SSBP2: variants seen among roughly 807,000 people sequenced by gnomAD.
The protein encoded by SSBP2 is single stranded DNA binding protein 2, also known as single-stranded DNA-binding protein 2.
SSBP2 carries 17 observed loss-of-function variants against 61.8 expected under a neutral mutation model. The observed-to-expected ratio is 0.28, with a 90% CI of 0.19 to 0.41. The LOEUF (loss-of-function observed/expected upper bound fraction) is 0.41. Among genes scored for constraint, SSBP2 ranks in the 10% least tolerant of loss-of-function variants. The pLI, the probability that SSBP2 is intolerant of heterozygous loss-of-function variation, is 1.00. For missense variants in SSBP2, 310 were observed against 458.7 expected (o/e 0.68, Z 2.96); for synonymous variants, 139 against 141.3 (o/e 0.98, Z 0.12).
At chr5:81,575,377 A>G (rs73135609) in intron 4 of SSBP2, among the ~76,000 whole-genome samples, 2,167 of 152,336 alleles carry the variant, frequency 0.014, 52 homozygotes, top group African/African-American at 0.049. Flanking sequence ...ATACAGAACA[A>G]TAACATTTAA....
At chr5:81,421,442 C>T (rs186360226) in intron 16 of SSBP2, among the ~76,000 whole-genome samples, 143 of 152,272 alleles carry the variant, frequency 9.4e-4, no homozygotes, top group Non-Finnish European at 1.6e-3. Flanking sequence ...ATCTGCTCAC[C>T]TTGGCCTCCC....
At chr5:81,548,741 T>G (rs1445080975) in intron 4 of SSBP2, among the ~76,000 whole-genome samples, 1 of 152,044 alleles carries the variant, frequency 6.6e-6, no homozygotes, top group Non-Finnish European at 1.5e-5. Context: ...GCTAACACAG[T>G]GAAATCCCGT....
intron 4 of SSBP2, among the ~76,000 whole-genome samples, chr5:81,573,895 C>T (rs1158695189): frequency 6.6e-6 from 1 of 152,120 alleles, no homozygotes; most frequent in Non-Finnish European, 1.5e-5. Context: ...AATCCCAGCA[C>T]TTTGGGAGGC....
At chr5:81,719,276 C>T (rs1045640446) in intron 1 of SSBP2, among the ~76,000 whole-genome samples, 1 of 152,184 alleles carries the variant, frequency 6.6e-6, no homozygotes, top group South Asian at 2.1e-4. Flanking sequence ...GACTTATAGC[C>T]ACCACTGTTT....
In SSBP2 at chr5:81,431,524, G is replaced by A. The variant is rs570329649; in HGVS notation, c.958-2841C>T. 3.3e-4 allele frequency among the ~76,000 whole-genome samples: 50 copies of A among 151,552 alleles called. 1 individual carries two copies. Among genetic ancestry groups the A allele is most frequent in the Admixed American group, 3.3e-3 (50 of 15,226 alleles). ...TACACCACAAACACAATTTCCTCTG[G>A]CTGCCATGTTTAACCCTGTTGGACT... On this transcript the variant is annotated intron_variant, in intron 15 of 16. Coordinates refer to ENST00000320672, the MANE Select transcript of SSBP2 (RefSeq NM_012446.5).
intron 1 of SSBP2, among the ~76,000 whole-genome samples, chr5:81,696,154 G>A (rs1256432570): frequency 2.0e-5 from 3 of 152,032 alleles, no homozygotes; most frequent in East Asian, 1.9e-4. Context: ...TAAACACTCC[G>A]CTCTAGTTCC....
chr5:81,592,923 A>T (rs926839958), intron 4 of SSBP2, among the ~76,000 whole-genome samples: 1 of 152,168 alleles, frequency 6.6e-6, no homozygotes, highest in African/African-American at 2.4e-5. Context: ...AAACTCTAAA[A>T]ATCAGAGCGC....
At chr5:81,692,060 A>C (rs1406026259) in intron 1 of SSBP2, among the ~76,000 whole-genome samples, 1 of 152,188 alleles carries the variant, frequency 6.6e-6, no homozygotes, top group Non-Finnish European at 1.5e-5. Flanking sequence ...GAAAGAAATA[A>C]ATCAAATTAT....
In SSBP2 at chr5:81,474,471, T is replaced by A. The variant is rs760129399; in HGVS notation, c.499+25A>T. ...TTCCTCTATGGTTCTGCACATCAATTTTCCTTTTACTTTAGAGTAGTCACC... is the reference window on the plus strand; with the variant it reads ...TTCCTCTATGGTTCTGCACATCAATATTCCTTTTACTTTAGAGTAGTCACC... On this transcript the variant is annotated intron_variant, in intron 7 of 16. Coordinates refer to ENST00000320672, the MANE Select transcript of SSBP2 (RefSeq NM_012446.5). The A allele has an allele frequency of 8.1e-6, 13 of 1,604,458 alleles. No homozygotes were observed. The Admixed American group carries it at 2.2e-4, about 27-fold the overall frequency.
rs1413524825 is a variant in SSBP2 at position 81,554,147 on chromosome 5, T to A, written c.283-40430A>T. On this transcript the variant is annotated intron_variant, in intron 4 of 16. Transcript: ENST00000320672. ...CAACTTGAATAATAAAAATTAGATA[T>A]AAATAAGATCCATTAGGACATCTGA... is the stretch of plus-strand genomic sequence containing the variant. Among the ~76,000 whole-genome samples the A allele has an allele frequency of 2.0e-5, 3 of 152,102 alleles. No homozygotes were observed. The East Asian group carries it at 5.8e-4, about 29-fold the overall frequency.
chr5:81,641,627 A>T (rs1373546369), intron 2 of SSBP2, among the ~76,000 whole-genome samples: 1 of 152,168 alleles, frequency 6.6e-6, no homozygotes, highest in Non-Finnish European at 1.5e-5. Flanking sequence ...CCACTTGTTT[A>T]AAAAAAGCAT....
rs569352145 is a variant in SSBP2 at position 81,481,950 on chromosome 5, T to A, written c.432+7300A>T. On this transcript the variant is annotated intron_variant, in intron 6 of 16. Coordinates refer to ENST00000320672, the MANE Select transcript of SSBP2 (RefSeq NM_012446.5). Reference sequence around the variant, plus strand: ...CAGGCAGAGTAGATTTAGTATAAAATTTTTTTTTTGAGACAGGGTCTCCCT... The same window carrying A: ...CAGGCAGAGTAGATTTAGTATAAAAATTTTTTTTTGAGACAGGGTCTCCCT... 4.6e-3 allele frequency among the ~76,000 whole-genome samples: 694 copies of A among 150,368 alleles called. 5 individuals are homozygous for A. The highest frequency in any genetic ancestry group is 0.015 in the African/African-American group (605 of 41,070).
rs569409053 is a variant in SSBP2, at chr5:81,545,242, C to T, written c.283-31525G>A. On this transcript the variant is annotated intron_variant, in intron 4 of 16. Coordinates refer to ENST00000320672, the MANE Select transcript of SSBP2 (RefSeq NM_012446.5). ...GGATATACTTAAAAATTGTTTATTG[C>T]TTATTTGAAATTCAAATGTAACTGG... 7.9e-5 allele frequency among the ~76,000 whole-genome samples: 12 copies of T among 152,138 alleles called. No individual in the cohort carries two copies. The South Asian group carries it at 1.5e-3, about 18-fold the overall frequency.
intron 16 of SSBP2, among the ~76,000 whole-genome samples, chr5:81,422,399 T>C (rs1268054547): frequency 6.6e-6 from 1 of 152,086 alleles, no homozygotes; most frequent in East Asian, 1.9e-4. Context: ...CCAGATGTCA[T>C]TAGGGCTCAA....
intron 11 of SSBP2, among the ~76,000 whole-genome samples, chr5:81,448,470 C>A (rs1337288820): frequency 6.6e-6 from 1 of 151,960 alleles, no homozygotes; most frequent in East Asian, 1.9e-4. Flanking sequence ...GTAGATTATT[C>A]TCCTGGAGAA....
intron 4 of SSBP2, among the ~76,000 whole-genome samples, chr5:81,593,141 C>CT (rs1323337471): frequency 6.6e-6 from 1 of 152,008 alleles, no homozygotes; most frequent in Admixed American, 6.6e-5. Context: ...CAGAGAAGTC[C>CT]TTAAAGGACC....
At position 81,412,891 on chromosome 5, in the gene SSBP2, C is replaced by G. The variant is rs565266952; in HGVS notation, c.*7613G>C. ...TTTTTGGCATTCCATGTTTAGTTAT[C>G]TGACCACATAGAGCCAGCCATTGAT... is the stretch of plus-strand genomic sequence containing the variant. On this transcript the variant is annotated 3_prime_UTR_variant, in exon 17 of 17. Transcript: ENST00000320672. 7 of 152,156 alleles carry G rather than the reference C, an allele frequency of 4.6e-5. No homozygotes were observed. Among genetic ancestry groups the G allele is most frequent in the African/African-American group, 1.4e-4 (6 of 41,560 alleles). 9.4% of individuals were successfully genotyped at this position (152,156 alleles called of 1,614,324 possible).
chr5:81,563,769 T>C (rs1276494460), intron 4 of SSBP2, among the ~76,000 whole-genome samples: 1 of 152,110 alleles, frequency 6.6e-6, no homozygotes, highest in Non-Finnish European at 1.5e-5. Flanking sequence ...GACTTAAACA[T>C]AAGACCTGAA....
intron 16 of SSBP2, among the ~76,000 whole-genome samples, chr5:81,427,636 TCTC>T (rs1762036536): frequency 1.3e-5 from 2 of 152,186 alleles, no homozygotes; most frequent in African/African-American, 4.8e-5. Context: ...GGGTAGTCTC[TCTC>T]ATGATTCTGA....
Sources: allele counts gnomAD v4.1 joint callset (sites outside exome capture counted in the v4.1 genomes callset), GRCh38; gene constraint gnomAD v4.1.1; transcripts MANE v1.5; gene names NCBI Gene and HGNC (gene_info 2026-07-23, HGNC 2026-07-21).